Variants in SCN1A observed in about 807,000 individuals in gnomAD.
SCN1A encodes sodium channel protein type 1 subunit alpha.
Under a neutral mutation model 193.7 loss-of-function variants are expected in SCN1A, and 13 were observed. That is an observed-to-expected ratio of 0.07 (90% CI 0.04 to 0.11). The LOEUF (loss-of-function observed/expected upper bound fraction) is 0.11, where lower values mean the gene tolerates loss of function less well. SCN1A is among the 10% of genes least tolerant of loss of function. SCN1A has a pLI of 1.00. For missense variants in SCN1A, 1,432 were observed against 2,451.1 expected (o/e 0.58, Z 8.78); for synonymous variants, 781 against 843.6 (o/e 0.93, Z 1.29).
intron 1 of SCN1A, among the ~76,000 whole-genome samples, chr2:166,141,360 A>G (rs1010666131): frequency 6.6e-6 from 1 of 151,956 alleles, no homozygotes; most frequent in African/African-American, 2.4e-5. Flanking sequence ...AGCATCTGAA[A>G]TATACGTGTT....
intron 2 of SCN1A, among the ~76,000 whole-genome samples, chr2:166,112,631 T>A (rs1689418428): frequency 6.6e-6 from 1 of 152,180 alleles, no homozygotes; most frequent in Non-Finnish European, 1.5e-5. Context: ...ATATTGGTGA[T>A]AGCAGCATCT....
Position 166,022,269 on chromosome 2 carries a change from AT to A in SCN1A, c.3430-6543del, listed in dbSNP as rs1333532108. On this transcript the variant is annotated intron_variant, in intron 19 of 28. Transcript: ENST00000674923. The stretch of plus-strand genomic sequence containing the variant: ...GAAAAAAGGTGATAAAATGAAAAAA[AT>A]CTTCAAGATTTAGCAATTTCAGATG... Among the ~76,000 whole-genome samples, 3 of 152,110 alleles carry A rather than the reference AT, an allele frequency of 2.0e-5. No homozygotes were observed. The East Asian group carries it at 5.8e-4, about 29-fold the overall frequency.
chr2:166,131,275 G>A (rs604016), upstream of SCN1A, among the ~76,000 whole-genome samples: 130,210 of 152,132 alleles, frequency 0.86, 55,887 homozygotes, highest in East Asian at 0.98. Flanking sequence ...TGTAATGCAT[G>A]AACCTGCTAA....
chr2:166,110,334 CAGTT>C (rs1033506098), intron 2 of SCN1A, among the ~76,000 whole-genome samples: 10 of 152,238 alleles, frequency 6.6e-5, no homozygotes, highest in Admixed American at 2.0e-4. Context: ...ATGAACCAAA[CAGTT>C]AGCCGAGTTG....
At chr2:166,102,691 A>G (rs1466313701) in intron 2 of SCN1A, among the ~76,000 whole-genome samples, 3 of 152,072 alleles carry the variant, frequency 2.0e-5, no homozygotes, top group Non-Finnish European at 4.4e-5. Context: ...AGCAATCCCA[A>G]TACTGGGTAT....
chr2:166,112,829 G>A (rs1178500924), intron 2 of SCN1A, among the ~76,000 whole-genome samples: 1 of 152,126 alleles, frequency 6.6e-6, no homozygotes, highest in African/African-American at 2.4e-5. Flanking sequence ...TGAAGATTAA[G>A]CTAATCACCA....
At chr2:166,142,195 A>G (rs1175232571) in intron 1 of SCN1A, among the ~76,000 whole-genome samples, 2 of 152,218 alleles carry the variant, frequency 1.3e-5, no homozygotes, top group Non-Finnish European at 2.9e-5. Context: ...CCTGCTAAAG[A>G]GGGAAAACTG....
In SCN1A at chr2:166,015,746, T is replaced by C. The variant is rs752292690; in HGVS notation, c.3430-19A>G. On this transcript the variant is annotated intron_variant, in intron 19 of 28. Coordinates refer to ENST00000674923, the MANE Select transcript of SCN1A (RefSeq NM_001165963.4). ...TCAGTTTCTGTAAGTGAGATGGACA[T>C]AGAAAGTAAAGTCCTTTAATTTTGG... The C allele has an allele frequency of 2.5e-6, 4 of 1,612,230 alleles. No homozygotes were observed. Among genetic ancestry groups the C allele is most frequent in the East Asian group, 4.5e-5 (2 of 44,824 alleles).
chr2:165,987,810 C>T lies in SCN1A; in HGVS notation c.*3435G>A, dbSNP rs1272647736. On this transcript the variant is annotated 3_prime_UTR_variant, in exon 29 of 29. Coordinates refer to ENST00000674923, the MANE Select transcript of SCN1A (RefSeq NM_001165963.4). ...ATGATTATGTTTTACCAGTTCTTCT[C>T]TTTGTATTTGGAAAGGTAACAGTGA... 6.6e-6 allele frequency: 1 copy of T among 152,038 alleles called. No individual in the cohort carries two copies. Among genetic ancestry groups the T allele is most frequent in the Non-Finnish European group, 1.5e-5 (1 of 68,006 alleles). 9.4% of individuals were successfully genotyped at this position (152,038 alleles called of 1,614,324 possible).
chr2:166,045,341 A>C lies in SCN1A; in HGVS notation c.1378-14T>G. 6.2e-7 allele frequency: 1 copy of C among 1,613,716 alleles called. No homozygotes were observed. The highest frequency in any genetic ancestry group is 1.3e-5 in the African/African-American group (1 of 75,026). On this transcript the variant is annotated splice_polypyrimidine_tract_variant and intron_variant, in intron 12 of 28. Coordinates refer to ENST00000674923, the MANE Select transcript of SCN1A (RefSeq NM_001165963.4). ...CGTTGCTGCCTGCTATATTGAAGAG[A>C]AATGATTTTAACATAGCACCTGAAG... is the stretch of plus-strand genomic sequence containing the variant.
intron 7 of SCN1A, chr2:166,053,150 T>C: frequency 9.9e-7 from 1 of 1,009,934 alleles, no homozygotes; most frequent in Non-Finnish European, 1.6e-6. Context: ...TAAATCAGAA[T>C]TATTCAAGAT....
In SCN1A at chr2:166,044,610, C is replaced by T. The variant is rs1697570818; in HGVS notation, c.1662+433G>A. On this transcript the variant is annotated intron_variant, in intron 13 of 28. Coordinates refer to ENST00000674923, the MANE Select transcript of SCN1A (RefSeq NM_001165963.4). ...TGCCTTTTGATCAAGTGTACCATGA[C>T]TAATATTTTCAGAAGCATGCATGGT... Among the ~76,000 whole-genome samples, 8 of 151,910 alleles carry T rather than the reference C, an allele frequency of 5.3e-5. 1 individual carries two copies. The highest frequency in any genetic ancestry group is 5.2e-4 in the Admixed American group (8 of 15,246).
intron 21 of SCN1A, 65 bp from the exon 22 acceptor site, chr2:166,012,347 A>C: frequency 7.8e-7 from 1 of 1,286,282 alleles, no homozygotes; most frequent in Non-Finnish European, 1.1e-6. Flanking sequence ...GCTATTTAAA[A>C]AATTAATCAT....
rs188938069 is a variant in SCN1A at position 166,035,910 on chromosome 2, T to C, written c.3429+138A>G. ...TAGAGCATGGTTTCTAGTGAATGGCTATTGCTTTTGTATTATCATAAAGTA... is the reference window on the plus strand; with the variant it reads ...TAGAGCATGGTTTCTAGTGAATGGCCATTGCTTTTGTATTATCATAAAGTA... On this transcript the variant is annotated intron_variant, in intron 19 of 28. Transcript: ENST00000674923. 4 of 829,472 alleles carry C rather than the reference T, an allele frequency of 4.8e-6. No homozygotes were observed. The South Asian group carries it at 6.8e-5, about 14-fold the overall frequency. The allele number at this position is 829,472 out of a possible 1,614,324, so 51.4% of individuals were successfully genotyped here.
chr2:166,035,904 A>G (rs1225260216), intron 19 of SCN1A, 144 bp downstream of exon 19: 1 of 796,824 alleles, frequency 1.3e-6, no homozygotes, highest in African/African-American at 1.8e-5. Flanking sequence ...GTTTCTAGTG[A>G]ATGGCTATTG....
chr2:166,031,249 A>G (rs948978396), intron 19 of SCN1A, among the ~76,000 whole-genome samples: 4 of 152,112 alleles, frequency 2.6e-5, no homozygotes, highest in Admixed American at 2.6e-4. Flanking sequence ...AGTTCACCAC[A>G]GATGTAAGAG....
chr2:166,070,515 G>A (rs549655963), intron 4 of SCN1A, among the ~76,000 whole-genome samples: 19 of 152,278 alleles, frequency 1.2e-4, no homozygotes, highest in African/African-American at 4.1e-4. Context: ...AAGTTTAGAC[G>A]TGAGCCTAAC....
At chr2:166,088,579 T>C (rs970113973) in intron 2 of SCN1A, among the ~76,000 whole-genome samples, 2 of 152,232 alleles carry the variant, frequency 1.3e-5, no homozygotes, top group Non-Finnish European at 2.9e-5. Flanking sequence ...TAAAACCTTA[T>C]AAATAATTTA....
At chr2:166,033,811 G>A (rs1268337555) in intron 19 of SCN1A, among the ~76,000 whole-genome samples, 1 of 151,826 alleles carries the variant, frequency 6.6e-6, no homozygotes, top group Non-Finnish European at 1.5e-5. Flanking sequence ...ATATCTTATG[G>A]ATGGTCTTTG....
Sources: allele counts gnomAD v4.1 joint callset (sites outside exome capture counted in the v4.1 genomes callset), GRCh38; gene constraint gnomAD v4.1.1; transcripts MANE v1.5; gene names NCBI Gene and HGNC (gene_info 2026-07-23, HGNC 2026-07-21).